The following SHISA6 variants were observed in gnomAD, a reference collection of about 807,000 sequenced individuals.
SHISA6 encodes the protein shisa family member 6, also known as protein shisa-6.
SHISA6 carries 22 observed loss-of-function variants against 47.9 expected under a neutral mutation model. The observed-to-expected ratio is 0.46, with a 90% CI of 0.33 to 0.66. SHISA6 has a LOEUF of 0.66. Among genes scored for constraint, SHISA6 ranks in the 30% least tolerant of loss-of-function variants. The pLI, the probability that SHISA6 is intolerant of heterozygous loss-of-function variation, is 0.02. For synonymous variants in SHISA6, 388 were observed against 337.8 expected (o/e 1.15, Z -1.63); for missense variants, 680 against 764.6 (o/e 0.89, Z 1.30).
intron 3 of SHISA6, among the ~76,000 whole-genome samples, chr17:11,500,521 C>T (rs2071442502): frequency 6.6e-6 from 1 of 152,146 alleles, no homozygotes; most frequent in South Asian, 2.1e-4. Context: ...CTGACTTGCT[C>T]AAGGTTCCAT....
At chr17:11,409,146 C>T (rs1168052335) in intron 3 of SHISA6, among the ~76,000 whole-genome samples, 1 of 152,068 alleles carries the variant, frequency 6.6e-6, no homozygotes, top group Admixed American at 6.6e-5. Context: ...GTCATTATAG[C>T]TGCAGTGTCT....
intron 2 of SHISA6, among the ~76,000 whole-genome samples, chr17:11,324,691 C>CT (rs1910816865): frequency 6.6e-6 from 1 of 152,140 alleles, no homozygotes; most frequent in Admixed American, 6.5e-5. Context: ...CTTCAAGCCT[C>CT]TAAGTTCAAG....
intron 3 of SHISA6, among the ~76,000 whole-genome samples, chr17:11,495,074 G>A (rs541606499): frequency 1.8e-4 from 27 of 152,288 alleles, no homozygotes; most frequent in African/African-American, 6.5e-4. Flanking sequence ...GGAAAGGCCT[G>A]AGCAAGGTGG....
intron 2 of SHISA6, among the ~76,000 whole-genome samples, chr17:11,278,343 C>G (rs1908998178): frequency 6.6e-6 from 1 of 152,194 alleles, no homozygotes; most frequent in South Asian, 2.1e-4. Flanking sequence ...AAGTCTGTGT[C>G]CCAACTGAGC....
intron 3 of SHISA6, among the ~76,000 whole-genome samples, chr17:11,382,519 G>GTTT (rs1913045662): frequency 6.6e-6 from 1 of 152,224 alleles, no homozygotes; most frequent in Admixed American, 6.5e-5. Flanking sequence ...CTGGCCCCAT[G>GTTT]TAAATATCCC....
At chr17:11,342,982 A>G (rs1340907444) in intron 2 of SHISA6, among the ~76,000 whole-genome samples, 1 of 152,214 alleles carries the variant, frequency 6.6e-6, no homozygotes, top group Non-Finnish European at 1.5e-5. Context: ...GGAGGTTAAC[A>G]TACCCACACC....
intron 1 of SHISA6, among the ~76,000 whole-genome samples, chr17:11,247,465 A>G (rs991477755): frequency 2.6e-5 from 4 of 152,072 alleles, no homozygotes; most frequent in African/African-American, 7.2e-5. Context: ...CCCTCTCCCC[A>G]TTCAAACACC....
chr17:11,304,167 A>G (rs1220089954), intron 2 of SHISA6, among the ~76,000 whole-genome samples: 1 of 152,170 alleles, frequency 6.6e-6, no homozygotes, highest in Non-Finnish European at 1.5e-5. Flanking sequence ...ACTGGCCAAG[A>G]GGCCCCTTTG....
intron 3 of SHISA6, among the ~76,000 whole-genome samples, chr17:11,525,501 C>T (rs1182568258): frequency 2.0e-5 from 3 of 151,584 alleles, no homozygotes; most frequent in African/African-American, 7.3e-5. Flanking sequence ...GGCGTGGTGG[C>T]ACATGCCTGT....
At chr17:11,302,603 G>A (rs1160301980) in intron 2 of SHISA6, among the ~76,000 whole-genome samples, 1 of 152,202 alleles carries the variant, frequency 6.6e-6, no homozygotes. Context: ...GAGAGAGGGA[G>A]AGAAGCAGAT....
intron 3 of SHISA6, among the ~76,000 whole-genome samples, chr17:11,387,609 A>C (rs1203242646): frequency 4.6e-5 from 7 of 152,206 alleles, no homozygotes; most frequent in African/African-American, 1.7e-4. Context: ...AACCAGCATA[A>C]GAGAGCAGGA....
rs746897880 is a variant in SHISA6 at position 11,495,234 on chromosome 17, C to T, written c.896-56662C>T. On this transcript the variant is annotated intron_variant, in intron 3 of 5. Coordinates refer to ENST00000441885, the MANE Select transcript of SHISA6 (RefSeq NM_207386.4). Reference sequence around the variant, plus strand: ...CCCTAGAGTTGGAGAGACCCAGGCTCCACTACGTAGCTGCTGTGTGACTTT... The same window carrying T: ...CCCTAGAGTTGGAGAGACCCAGGCTTCACTACGTAGCTGCTGTGTGACTTT... Among the ~76,000 whole-genome samples the T allele has an allele frequency of 1.8e-4, 28 of 152,300 alleles. 1 individual carries two copies. The highest frequency in any genetic ancestry group is 3.4e-3 in the Middle Eastern group (1 of 294).
chr17:11,379,175 A>T (rs1016066150), intron 2 of SHISA6, among the ~76,000 whole-genome samples: 10 of 148,282 alleles, frequency 6.7e-5, no homozygotes, highest in African/African-American at 2.5e-4. Flanking sequence ...ATATATGTAT[A>T]ATATGTATAT....
At chr17:11,324,933 G>A (rs73976938) in intron 2 of SHISA6, among the ~76,000 whole-genome samples, 1,796 of 152,158 alleles carry the variant, frequency 0.012, 37 homozygotes, top group African/African-American at 0.041. Flanking sequence ...CTGGTCCCTG[G>A]AGCCCTCCCC....
At chr17:11,436,046 G>T (rs1459085442) in intron 3 of SHISA6, among the ~76,000 whole-genome samples, 3 of 152,212 alleles carry the variant, frequency 2.0e-5, no homozygotes. Context: ...TCTCAGGATA[G>T]ATGTTGATTC....
chr17:11,452,038 G>A (rs963855344), intron 3 of SHISA6, among the ~76,000 whole-genome samples: 2 of 152,218 alleles, frequency 1.3e-5, no homozygotes, highest in African/African-American at 2.4e-5. Context: ...GACAAGGTCA[G>A]TGGGGAGCAG....
At chr17:11,541,820 C>G (rs150529779) in intron 3 of SHISA6, among the ~76,000 whole-genome samples, 1 of 152,304 alleles carries the variant, frequency 6.6e-6, no homozygotes, top group East Asian at 1.9e-4. Flanking sequence ...TTTGGCTGAG[C>G]ACTGAGGTCT....
At chr17:11,554,701 C>T (rs530083643) in intron 4 of SHISA6, among the ~76,000 whole-genome samples, 1 of 152,256 alleles carries the variant, frequency 6.6e-6, no homozygotes, top group South Asian at 2.1e-4. Context: ...ACCACCATTT[C>T]CCATGGCAGC....
chr17:11,336,317 T>A (rs1911319153), intron 2 of SHISA6, among the ~76,000 whole-genome samples: 1 of 152,006 alleles, frequency 6.6e-6, no homozygotes, highest in African/African-American at 2.4e-5. Flanking sequence ...TTTGTCAGAA[T>A]AGTCTTAATG....
Sources: gnomAD v4.1 joint callset for allele counts (sites outside exome capture counted in the v4.1 genomes callset) on GRCh38, gnomAD v4.1.1 for gene constraint, MANE v1.5 for transcripts, NCBI Gene and HGNC (gene_info 2026-07-23, HGNC 2026-07-21) for gene names.